ZNF521: variants seen among roughly 807,000 people sequenced by gnomAD.
ZNF521 encodes the protein LYST-interacting protein 3.
A neutral mutation model predicts 105.5 loss-of-function variants in ZNF521; 14 were observed. That is an observed-to-expected ratio of 0.13 (90% confidence interval 0.09 to 0.21). The LOEUF (loss-of-function observed/expected upper bound fraction) is 0.21. Ranked by LOEUF, ZNF521 falls within the 10% of genes least tolerant of loss-of-function variation. ZNF521 has a pLI of 1.00. For missense variants in ZNF521, 1,233 were observed against 1,629.7 expected, an observed-to-expected ratio of 0.76 and a Z score of 4.19; for synonymous variants, 635 against 606.0, an observed-to-expected ratio of 1.05 and a Z score of -0.70.
chr18:25,257,716 A>T (rs1908616601), intron 3 of ZNF521, among the ~76,000 whole-genome samples: 1 of 152,172 alleles, frequency 6.6e-6, no homozygotes, highest in Non-Finnish European at 1.5e-5. Context: ...CCTATCAGAG[A>T]TGCTTGTTGA....
chr18:25,250,081 G>A (rs920383083), intron 3 of ZNF521, among the ~76,000 whole-genome samples: 2 of 152,112 alleles, frequency 1.3e-5, no homozygotes, highest in African/African-American at 4.8e-5. Flanking sequence ...TGGGACTACA[G>A]GTGCCCGCCA....
intron 3 of ZNF521, among the ~76,000 whole-genome samples, chr18:25,240,991 C>T (rs1907289935): frequency 6.9e-6 from 1 of 144,410 alleles, no homozygotes; most frequent in Admixed American, 6.9e-5. Context: ...CAATACTGAA[C>T]ACTCCAATCA....
At chr18:25,265,575 C>T (rs1025115184) in intron 3 of ZNF521, among the ~76,000 whole-genome samples, 3 of 152,134 alleles carry the variant, frequency 2.0e-5, no homozygotes, top group African/African-American at 7.2e-5. Flanking sequence ...TCCCTCAATA[C>T]GACTGTTCTC....
chr18:25,155,752 T>C (rs1010020705), intron 5 of ZNF521, among the ~76,000 whole-genome samples: 1 of 152,126 alleles, frequency 6.6e-6, no homozygotes, highest in African/African-American at 2.4e-5. Context: ...TATGAACAAA[T>C]GGATAAACTG....
chr18:25,289,820 TAGAC>T (rs1486054700), intron 3 of ZNF521, among the ~76,000 whole-genome samples: 20 of 152,214 alleles, frequency 1.3e-4, no homozygotes, highest in Admixed American at 4.6e-4. Flanking sequence ...TGCGGCTAGC[TAGAC>T]AATCAACTTC....
At chr18:25,194,792 C>T (rs1390694238) in intron 5 of ZNF521, among the ~76,000 whole-genome samples, 1 of 151,634 alleles carries the variant, frequency 6.6e-6, no homozygotes, top group Admixed American at 6.6e-5. Context: ...CACAACAGTG[C>T]CATTACCATA....
intron 4 of ZNF521, among the ~76,000 whole-genome samples, chr18:25,217,534 G>A (rs568136547): frequency 6.6e-6 from 1 of 152,246 alleles, no homozygotes; most frequent in Admixed American, 6.5e-5. Flanking sequence ...GGAGTCTAGG[G>A]TATACATACG....
chr18:25,226,401 G>A lies in ZNF521; in HGVS notation c.1517C>T (p.Ala506Val), dbSNP rs866818622. The A allele has an allele frequency of 1.9e-6, 3 of 1,614,152 alleles. No homozygotes were observed. Among genetic ancestry groups the A allele is most frequent in the Non-Finnish European group, 2.5e-6 (3 of 1,180,014 alleles). ...IRCSHGFANP[A>V]AKDSNAFFCP... Reference sequence around the variant, plus strand: ...AAAGAATGCATTACTATCTTTAGCTGCAGGGTTTGCAAATCCATGAGAACA... The same window carrying A: ...AAAGAATGCATTACTATCTTTAGCTACAGGGTTTGCAAATCCATGAGAACA... The change falls in exon 4 of 8, where the codon GCA becomes GTA. Residue 506 changes from alanine (A) to valine (V), a missense_variant. By Grantham distance (64) the Ala-to-Val change is moderately conservative. This residue lies in a region of ZNF521 where 380 missense variants were observed against 478.0 expected (regional missense o/e 0.80). Transcript: ENST00000361524. The surrounding 1 kb of genome is among the most constrained non-coding windows in gnomAD (Gnocchi z 4.1).
intron 5 of ZNF521, among the ~76,000 whole-genome samples, chr18:25,113,699 G>A (rs1384182350): frequency 1.3e-5 from 2 of 151,336 alleles, no homozygotes; most frequent in Non-Finnish European, 1.5e-5. Flanking sequence ...GGAAGTGGGA[G>A]TGTGCTAGAG....
chr18:25,157,351 T>G (rs1321891138), intron 5 of ZNF521, among the ~76,000 whole-genome samples: 2 of 152,232 alleles, frequency 1.3e-5, no homozygotes, highest in Non-Finnish European at 2.9e-5. Flanking sequence ...GTCAAGTTTA[T>G]GAGGAATGGG....
At chr18:25,193,919 C>G (rs1447536021) in intron 5 of ZNF521, among the ~76,000 whole-genome samples, 1 of 151,782 alleles carries the variant, frequency 6.6e-6, no homozygotes, top group African/African-American at 2.4e-5. Flanking sequence ...AACAACCCCC[C>G]AGAAGACCTA....
At chr18:25,182,715 T>C (rs2035653489) in intron 5 of ZNF521, among the ~76,000 whole-genome samples, 1 of 152,198 alleles carries the variant, frequency 6.6e-6, no homozygotes, top group African/African-American at 2.4e-5. Flanking sequence ...ACAGATGAGA[T>C]GTGTCTCTGT....
At chr18:25,257,389 G>A (rs1405736679) in intron 3 of ZNF521, among the ~76,000 whole-genome samples, 5 of 152,150 alleles carry the variant, frequency 3.3e-5, no homozygotes, top group Admixed American at 3.3e-4. Flanking sequence ...ACAAGCCTGG[G>A]CTCAAACAAC....
rs139710404 is a variant in ZNF521 at position 25,169,485 on chromosome 18, T to C, written c.3658+25675A>G. ...TTCAAGTCATTGATGAAACAATGGG[T>C]ATTGTGTGCAAAGCCAGCAATTTTT... is the stretch of plus-strand genomic sequence containing the variant. On this transcript the variant is annotated intron_variant, in intron 5 of 7. Coordinates refer to ENST00000361524, the MANE Select transcript of ZNF521 (RefSeq NM_015461.3). Among the ~76,000 whole-genome samples, 867 of 152,282 alleles carry C rather than the reference T, an allele frequency of 5.7e-3. 5 individuals carry two copies. Among genetic ancestry groups the C allele is most frequent in the African/African-American group, 0.02 (818 of 41,558 alleles).
At chr18:25,337,787 AT>A (rs1913972821) in intron 2 of ZNF521, among the ~76,000 whole-genome samples, 1 of 152,206 alleles carries the variant, frequency 6.6e-6, no homozygotes, top group Non-Finnish European at 1.5e-5. Context: ...AAAATCATAC[AT>A]ATCAGCAAGA....
At position 25,283,191 on chromosome 18, in the gene ZNF521, C is replaced by A. The variant is rs377504853; in HGVS notation, c.220+38817G>T. On this transcript the variant is annotated intron_variant, in intron 3 of 7. Transcript: ENST00000361524. ...CTCCACTCACTATCTTTTTTCTCAG[C>A]AAAGAGCTTCCACCAGGCCCCTCAC... is the stretch of plus-strand genomic sequence containing the variant. Among the ~76,000 whole-genome samples, 3 of 152,194 alleles carry A rather than the reference C, an allele frequency of 2.0e-5. No individual in the cohort carries two copies. In the East Asian group the frequency reaches 5.8e-4, roughly 29 times the overall value.
At chr18:25,312,005 T>C (rs1269921427) in intron 3 of ZNF521, among the ~76,000 whole-genome samples, 16 of 152,196 alleles carry the variant, frequency 1.1e-4, no homozygotes, top group Admixed American at 1.0e-3. Flanking sequence ...GACTCATTTA[T>C]TTTCTATTTC....
chr18:25,218,332 C>T (rs746224407), intron 4 of ZNF521, among the ~76,000 whole-genome samples: 51 of 151,816 alleles, frequency 3.4e-4, no homozygotes, highest in Non-Finnish European at 5.2e-4. Flanking sequence ...GAACTTAAAA[C>T]GTGGTAAGGG....
At chr18:25,081,239 T>A (rs1442850224) in intron 7 of ZNF521, among the ~76,000 whole-genome samples, 2 of 152,110 alleles carry the variant, frequency 1.3e-5, no homozygotes, top group African/African-American at 4.8e-5. Context: ...CCATCTGTCG[T>A]CAACTCTGGG....
Sources: gnomAD v4.1 joint callset for allele counts (sites outside exome capture counted in the v4.1 genomes callset) on GRCh38, gnomAD v4.1.1 for gene constraint, gnomAD v4.1.1 regional missense constraint, Gnocchi (gnomAD v3.1) non-coding constraint, MANE v1.5 for transcripts, NCBI Gene and HGNC (gene_info 2026-07-23, HGNC 2026-07-21) for gene names.